Variants in CCDC181 observed in about 807,000 individuals in gnomAD.
CCDC181 encodes coiled-coil domain-containing protein 181.
A neutral mutation model predicts 58.7 loss-of-function variants in CCDC181; 35 were observed. The observed-to-expected ratio is 0.60, with a 90% CI of 0.46 to 0.79. The LOEUF is 0.79. CCDC181 is among the 30% of genes least tolerant of loss of function. The pLI, the probability that CCDC181 is intolerant of heterozygous loss-of-function variation, is 0.00. For synonymous variants in CCDC181, 183 were observed against 197.5 expected, an observed-to-expected ratio of 0.93 and a Z score of 0.62; for missense variants, 517 against 583.9, an observed-to-expected ratio of 0.89 and a Z score of 1.18.
intron 3 of CCDC181, among the ~76,000 whole-genome samples, chr1:169,419,735 T>G (rs1048255519): frequency 6.6e-6 from 1 of 152,206 alleles, no homozygotes. Flanking sequence ...CTTGCATGAA[T>G]ACAGTATGAC....
chr1:169,418,749 A>C, intron 4 of CCDC181: 1 of 485,660 alleles, frequency 2.1e-6, no homozygotes. Context: ...TTGAATAACA[A>C]AGTTACACCT....
chr1:169,436,341 G>A (rs1181138279), intron 2 of CCDC181, among the ~76,000 whole-genome samples: 3 of 152,030 alleles, frequency 2.0e-5, no homozygotes, highest in Non-Finnish European at 4.4e-5. Flanking sequence ...TAGTTTTCAC[G>A]GTATGTTTGT....
At chr1:169,405,881 G>A (rs1432684449) in intron 4 of CCDC181, among the ~76,000 whole-genome samples, 1 of 151,922 alleles carries the variant, frequency 6.6e-6, no homozygotes, top group East Asian at 1.9e-4. Context: ...TACAGAATGG[G>A]GGAAAATTTT....
At chr1:169,439,261 A>G (rs979426057) in intron 2 of CCDC181, among the ~76,000 whole-genome samples, 2 of 152,004 alleles carry the variant, frequency 1.3e-5, no homozygotes, top group African/African-American at 4.8e-5. Context: ...TCACCAACCC[A>G]GACACCCCAC....
intron 4 of CCDC181, among the ~76,000 whole-genome samples, chr1:169,407,549 G>A (rs139584007): frequency 2.0e-4 from 30 of 152,250 alleles, no homozygotes; most frequent in African/African-American, 7.2e-4. Context: ...AGAAAAGGAT[G>A]AGTAATTGAA....
At chr1:169,458,478 G>A (rs1657743026) in intron 2 of CCDC181, among the ~76,000 whole-genome samples, 1 of 151,988 alleles carries the variant, frequency 6.6e-6, no homozygotes, top group Non-Finnish European at 1.5e-5. Flanking sequence ...GGCACACAGG[G>A]GAAATCTAGA....
In CCDC181 at chr1:169,419,021, T is replaced by A. The variant is rs1656338869; in HGVS notation, c.1207A>T (p.Asn403Tyr). 1.1e-5 allele frequency: 17 copies of A among 1,612,818 alleles called. No individual in the cohort carries two copies. Among genetic ancestry groups the A allele is most frequent in the African/African-American group, 2.7e-5 (2 of 74,904 alleles). ...IQRAKEIEDMNSRQENRDPQQ... is the reference protein window; with the variant it reads ...IQRAKEIEDMYSRQENRDPQQ... The stretch of plus-strand genomic sequence containing the variant: ...AGAGAAGTTTTACTTACTCTACTGT[T>A]CATGTCTTCAATTTCCTTTGCTCGC... The change falls in exon 4 of 6, where the codon AAC becomes TAC. Residue 403 changes from asparagine (N) to tyrosine (Y), a missense_variant. Asn to Tyr is a moderately radical substitution (Grantham distance 143). Transcript: ENST00000367806.
At position 169,419,169 on chromosome 1, in the gene CCDC181, G is replaced by T; in HGVS notation, c.1069-10C>A. On this transcript the variant is annotated splice_polypyrimidine_tract_variant and intron_variant, in intron 3 of 5. Coordinates refer to ENST00000367806, the MANE Select transcript of CCDC181 (RefSeq NM_001300969.2). ...TTTTTCGTCGCTCTTCCTAGTAAAA[G>T]AATATGAAAAGACATTAATGGAAGA... 1.9e-6 allele frequency: 3 copies of T among 1,566,728 alleles called. No individual in the cohort carries two copies. The highest frequency in any genetic ancestry group is 1.7e-6 in the Non-Finnish European group (2 of 1,153,258).
intron 2 of CCDC181, among the ~76,000 whole-genome samples, chr1:169,440,990 C>T (rs906005512): frequency 6.9e-5 from 10 of 145,518 alleles, no homozygotes; most frequent in Non-Finnish European, 9.0e-5. Flanking sequence ...TTTTTATTGC[C>T]CATGGCAGCC....
intron 4 of CCDC181, among the ~76,000 whole-genome samples, chr1:169,410,429 A>G (rs1655902235): frequency 6.6e-6 from 1 of 152,200 alleles, no homozygotes; most frequent in African/African-American, 2.4e-5. Flanking sequence ...TTAGACACCC[A>G]CACAATAATA....
chr1:169,406,764 T>G (rs904199987), intron 4 of CCDC181, among the ~76,000 whole-genome samples: 4 of 150,956 alleles, frequency 2.6e-5, no homozygotes, highest in African/African-American at 9.8e-5. Context: ...GTGGCACATG[T>G]ACCCTAGAAC....
rs72040890 is a variant in CCDC181 at position 169,440,931 on chromosome 1, T to TAAAA, written c.-23-15985_-23-15982dup. On this transcript the variant is annotated intron_variant, in intron 2 of 6. Transcript: ENST00000545005. The stretch of plus-strand genomic sequence containing the variant: ...GCCCAGGCAACAGAGCAAGACTGTC[T>TAAAA]AAAAAAAAAAAAAAGGCAAGATGAG... Among the ~76,000 whole-genome samples the TAAAA allele has an allele frequency of 1.6e-4, 12 of 76,904 alleles. 1 individual carries two copies. The highest frequency in any genetic ancestry group is 2.5e-4 in the Non-Finnish European group (9 of 36,542). The allele number at this position is 76,904 out of a possible 152,430, so 50.5% of individuals were successfully genotyped here.
chr1:169,400,589 T>A (rs552662401), intron 4 of CCDC181, among the ~76,000 whole-genome samples: 1 of 150,860 alleles, frequency 6.6e-6, no homozygotes, highest in Non-Finnish European at 1.5e-5. Flanking sequence ...AATGAAAAGA[T>A]GAATATAAAA....
intron 2 of CCDC181, among the ~76,000 whole-genome samples, chr1:169,433,614 C>A (rs960112009): frequency 1.3e-5 from 2 of 151,974 alleles, no homozygotes; most frequent in African/African-American, 4.8e-5. Context: ...ATTTAGAGGT[C>A]ATAAATAAAC....
chr1:169,397,491 A>G (rs1485518314), intron 4 of CCDC181, 100 bp from the exon 5 acceptor site: 3 of 1,041,692 alleles, frequency 2.9e-6, no homozygotes, highest in Admixed American at 6.7e-5. Context: ...CTACTCTTCA[A>G]TTTTTCATAA....
rs373869006 is a variant in CCDC181, at chr1:169,418,997, G to C, written c.1215+16C>G. The C allele has an allele frequency of 6.3e-7, 1 of 1,594,268 alleles. No homozygotes were observed. The highest frequency in any genetic ancestry group is 1.7e-4 in the Middle Eastern group (1 of 6,002). On this transcript the variant is annotated intron_variant, in intron 4 of 5. Coordinates refer to ENST00000367806, the MANE Select transcript of CCDC181 (RefSeq NM_001300969.2). ...CATATCTGTATGAACTTATTTTTCA[G>C]AGAAGTTTTACTTACTCTACTGTTC...
intron 2 of CCDC181, among the ~76,000 whole-genome samples, chr1:169,455,809 T>C (rs549354017): frequency 6.6e-6 from 1 of 152,256 alleles, no homozygotes; most frequent in South Asian, 2.1e-4. Context: ...AGTACATACA[T>C]GCAGGTGTGC....
intron 2 of CCDC181, among the ~76,000 whole-genome samples, chr1:169,459,617 T>A (rs1422410465): frequency 6.6e-6 from 1 of 151,004 alleles, no homozygotes; most frequent in South Asian, 2.1e-4. Flanking sequence ...TAACTGGGAG[T>A]TAATTACAAG....
chr1:169,433,283 C>A (rs1359354757), intron 2 of CCDC181, among the ~76,000 whole-genome samples: 1 of 151,758 alleles, frequency 6.6e-6, no homozygotes, highest in Admixed American at 6.6e-5. Context: ...ATGAAAGATG[C>A]ATACAATGTA....
Sources: gnomAD v4.1 joint callset for allele counts (sites outside exome capture counted in the v4.1 genomes callset) on GRCh38, gnomAD v4.1.1 for gene constraint, MANE v1.5 for transcripts, NCBI Gene and HGNC (gene_info 2026-07-23, HGNC 2026-07-21) for gene names.